Variants in ADAMTS17 observed in about 807,000 individuals in gnomAD.
ADAMTS17 encodes the protein ADAM metallopeptidase with thrombospondin type 1 motif 17.
ADAMTS17 carries 113 observed loss-of-function variants against 141.5 expected under a neutral mutation model. The ratio of observed to expected loss-of-function variants is 0.80; its 90% CI spans 0.69 to 0.93. The LOEUF is 0.93. ADAMTS17 is among the 40% of genes least tolerant of loss of function. The pLI is 0.00. For synonymous variants in ADAMTS17, 768 were observed against 630.6 expected, an observed-to-expected ratio of 1.22 and a Z score of -3.27; for missense variants, 1,659 against 1,517.9, an observed-to-expected ratio of 1.09 and a Z score of -1.54.
chr15:100,001,116 G>C (rs1339781724), intron 18 of ADAMTS17, among the ~76,000 whole-genome samples: 1 of 152,148 alleles, frequency 6.6e-6, no homozygotes, highest in African/African-American at 2.4e-5. Context: ...CATTTACTGA[G>C]CATCAGCCAG....
intron 16 of ADAMTS17, among the ~76,000 whole-genome samples, chr15:100,053,184 T>C (rs1246151705): frequency 2.6e-5 from 4 of 152,168 alleles, no homozygotes; most frequent in Admixed American, 1.3e-4. Context: ...CCATCAGAAG[T>C]TAGCCATGAG....
At chr15:100,171,309 C>T (rs928883037) in intron 8 of ADAMTS17, among the ~76,000 whole-genome samples, 1 of 152,182 alleles carries the variant, frequency 6.6e-6, no homozygotes, top group Non-Finnish European at 1.5e-5. Context: ...GACCCAAATG[C>T]CATGAGGGGC....
intron 3 of ADAMTS17, among the ~76,000 whole-genome samples, chr15:100,287,101 T>A (rs2044471983): frequency 6.6e-6 from 1 of 151,976 alleles, no homozygotes; most frequent in Non-Finnish European, 1.5e-5. Context: ...GGTGGGAGAA[T>A]CACTTGAACC....
intron 3 of ADAMTS17, among the ~76,000 whole-genome samples, chr15:100,326,025 C>A (rs896054139): frequency 6.6e-6 from 1 of 152,114 alleles, no homozygotes; most frequent in East Asian, 1.9e-4. Flanking sequence ...TGGGTCTGTG[C>A]AGCTTTGGAG....
intron 15 of ADAMTS17, among the ~76,000 whole-genome samples, chr15:100,058,614 C>T (rs1339804438): frequency 1.2e-4 from 19 of 152,238 alleles, no homozygotes; most frequent in African/African-American, 4.3e-4. Context: ...ACAGAGGTGG[C>T]GGCTGGCCTG....
chr15:100,294,980 A>G (rs2044760471), intron 3 of ADAMTS17, among the ~76,000 whole-genome samples: 1 of 152,182 alleles, frequency 6.6e-6, no homozygotes, highest in Non-Finnish European at 1.5e-5. Flanking sequence ...TCTGTGTATC[A>G]GCCTTCTGTC....
intron 15 of ADAMTS17, among the ~76,000 whole-genome samples, chr15:100,085,871 G>A (rs1007984773): frequency 2.0e-5 from 3 of 151,952 alleles, no homozygotes; most frequent in African/African-American, 4.8e-5. Flanking sequence ...AGGAACAACT[G>A]GTAACAGCCA....
chr15:100,200,576 C>A (rs914124759), intron 7 of ADAMTS17, among the ~76,000 whole-genome samples: 3 of 152,200 alleles, frequency 2.0e-5, no homozygotes, highest in Admixed American at 2.0e-4. Context: ...AAGGCAGTTC[C>A]TCGATATGCC....
At chr15:100,233,187 G>C (rs140731559) in intron 7 of ADAMTS17, among the ~76,000 whole-genome samples, 9 of 152,206 alleles carry the variant, frequency 5.9e-5, no homozygotes, top group African/African-American at 1.9e-4. Context: ...AAAATGAGTC[G>C]GGCGTGGGGA....
rs775739012 is a variant in ADAMTS17 at position 99,991,750 on chromosome 15, T to C, written c.2949+1298A>G. ...ACGTTTACTGCGGCACTGTTGACAA[T>C]AGCAAAGACTTGGAACCAACCCAAA... On this transcript the variant is annotated intron_variant, in intron 20 of 21. Transcript: ENST00000268070. 6.2e-4 allele frequency among the ~76,000 whole-genome samples: 95 copies of C among 152,222 alleles called. 1 individual carries two copies. The highest frequency in any genetic ancestry group is 1.2e-3 in the Admixed American group (18 of 15,284).
chr15:99,989,330 T>G (rs1292525613), intron 20 of ADAMTS17, among the ~76,000 whole-genome samples: 2 of 152,182 alleles, frequency 1.3e-5, no homozygotes, highest in African/African-American at 4.8e-5. Context: ...ACTGACCACT[T>G]CTTGCCTCCA....
chr15:100,231,469 G>A (rs1404094883), intron 7 of ADAMTS17, among the ~76,000 whole-genome samples: 3 of 152,134 alleles, frequency 2.0e-5, no homozygotes, highest in Non-Finnish European at 2.9e-5. Context: ...CCTCCCATTC[G>A]CTGGCCTGAC....
chr15:100,084,806 C>G (rs1191433520), intron 15 of ADAMTS17, among the ~76,000 whole-genome samples: 1 of 152,174 alleles, frequency 6.6e-6, no homozygotes, highest in African/African-American at 2.4e-5. Flanking sequence ...GGAAAACTAG[C>G]AAACAGAAAG....
In ADAMTS17 at chr15:100,341,280, G is replaced by T; in HGVS notation, c.209C>A (p.Ala70Asp). The stretch of plus-strand genomic sequence containing the variant: ...CTCTCCGGGCCGGGCGCGCGGGGCG[G>T]CTGGGGGCGTGCGGGGGCGTCGCCG... Reference protein sequence around the residue: ...RRRRRPRTPPAAPRARPGERA... With the variant: ...RRRRRPRTPPDAPRARPGERA... Residue 70 changes from alanine (A) to aspartate (D), a missense_variant, in exon 2 of 22, where the codon GCC becomes GAC. By Grantham distance (126) the Ala-to-Asp change is moderately radical (BLOSUM62 -2). Transcript: ENST00000268070. 2 of 1,177,262 alleles carry T rather than the reference G, an allele frequency of 1.7e-6. No homozygotes were observed. Among genetic ancestry groups the T allele is most frequent in the Non-Finnish European group, 2.1e-6 (2 of 956,820 alleles). The allele number at this position is 1,177,262 out of a possible 1,614,324, so 72.9% of individuals were successfully genotyped here.
chr15:100,199,461 T>C (rs760838621), intron 7 of ADAMTS17, 38 bp from the exon 8 acceptor site: 1 of 1,574,452 alleles, frequency 6.4e-7, no homozygotes, highest in African/African-American at 1.3e-5. Context: ...CTTCAGAACG[T>C]GGGAGGCCCT....
intron 18 of ADAMTS17, among the ~76,000 whole-genome samples, chr15:100,011,218 G>A (rs1453214282): frequency 8.0e-6 from 1 of 125,046 alleles, no homozygotes; most frequent in East Asian, 2.4e-4. Flanking sequence ...AAATTCTTGG[G>A]CCATGATGGT....
Position 100,319,300 on chromosome 15 carries a change from G to T in ADAMTS17, c.616+11589C>A, listed in dbSNP as rs549167075. On this transcript the variant is annotated intron_variant, in intron 3 of 21. Transcript: ENST00000268070. ...GCTGAGGGCCTACCTTGAAAGTCCT[G>T]CCATTAGAAATTCCCAGGGAAGCAG... Among the ~76,000 whole-genome samples the T allele has an allele frequency of 3.3e-5, 5 of 152,336 alleles. No homozygotes were observed. The South Asian group carries it at 1.0e-3, about 32-fold the overall frequency.
intron 3 of ADAMTS17, among the ~76,000 whole-genome samples, chr15:100,292,423 A>C (rs2044672516): frequency 7.2e-6 from 1 of 139,762 alleles, no homozygotes. Context: ...CGTTAGAGAC[A>C]CTCACCCCGT....
At chr15:100,225,774 CTGTCCTT>C (rs2042285650) in intron 7 of ADAMTS17, among the ~76,000 whole-genome samples, 2 of 146,716 alleles carry the variant, frequency 1.4e-5, no homozygotes, top group Non-Finnish European at 3.0e-5. Flanking sequence ...CTGTCCCATT[CTGTCCTT>C]ACAGCAGTCA....
Sources: allele counts gnomAD v4.1 joint callset (sites outside exome capture counted in the v4.1 genomes callset), GRCh38; gene constraint gnomAD v4.1.1; transcripts MANE v1.5; gene names NCBI Gene and HGNC (gene_info 2026-07-23, HGNC 2026-07-21).